Variants in PTPRA observed in about 807,000 individuals in gnomAD.
PTPRA encodes the protein receptor-type tyrosine-protein phosphatase alpha.
A neutral mutation model predicts 104.8 loss-of-function variants in PTPRA; 25 were observed. The observed-to-expected ratio is 0.24, with a 90% confidence interval of 0.17 to 0.33. PTPRA has a LOEUF of 0.33. PTPRA is among the 10% of genes least tolerant of loss of function. PTPRA has a pLI of 1.00. For synonymous variants in PTPRA, 323 were observed against 368.9 expected (o/e 0.88, Z 1.43); for missense variants, 765 against 1,015.3 (o/e 0.75, Z 3.35).
chr20:3,002,824 C>A (rs186478758), intron 9 of PTPRA, among the ~76,000 whole-genome samples: 1 of 152,130 alleles, frequency 6.6e-6, no homozygotes, highest in African/African-American at 2.4e-5. Flanking sequence ...AATTTGAACT[C>A]CCTATTCAAG....
At chr20:2,975,134 C>G in intron 5 of PTPRA, 81 bp from the exon 6 acceptor site, 1 of 1,239,152 alleles carries the variant, frequency 8.1e-7, no homozygotes, top group Non-Finnish European at 1.1e-6. Flanking sequence ...AATCCTGGAG[C>G]TTGTTTTGTT....
chr20:2,870,027 G>A (rs1425405077), upstream of PTPRA, among the ~76,000 whole-genome samples: 1 of 151,462 alleles, frequency 6.6e-6, no homozygotes, highest in Non-Finnish European at 1.5e-5. Context: ...CCTTCTCAGG[G>A]TAAGGGGCTG....
intron 20 of PTPRA, among the ~76,000 whole-genome samples, chr20:3,032,493 C>T (rs684294): frequency 0.38 from 57,988 of 152,020 alleles, 14,710 homozygotes; most frequent in African/African-American, 0.72. Context: ...TTCGGCCGGG[C>T]GCGGTGGCTC....
At chr20:2,988,593 A>C (rs2063006824) in intron 9 of PTPRA, 119 bp downstream of exon 9, 2 of 1,385,640 alleles carry the variant, frequency 1.4e-6, no homozygotes, top group Admixed American at 3.1e-5. Context: ...AGAGGTGAGA[A>C]ATGTTTTACC....
At chr20:2,870,637 C>T (rs559631324), upstream of PTPRA, among the ~76,000 whole-genome samples, 4 of 152,312 alleles carry the variant, frequency 2.6e-5, no homozygotes, top group South Asian at 8.3e-4. Flanking sequence ...GAGAATGACT[C>T]ATTGTTCCAT....
intron 1 of PTPRA, among the ~76,000 whole-genome samples, chr20:2,888,900 G>A (rs1165969775): frequency 3.3e-5 from 5 of 152,222 alleles, no homozygotes; most frequent in Non-Finnish European, 4.4e-5. Context: ...ATTGAGATGA[G>A]ATGTTCTTAC....
In PTPRA at chr20:2,953,266, T is replaced by A. The variant is rs138029073; in HGVS notation, c.-7+5242T>A. On this transcript the variant is annotated intron_variant, in intron 3 of 23. Transcript: ENST00000399903. ...GGTTTTTTATTTTATTTATTTATTT[T>A]TTTTTTGAGGCAGAGTCTCACTCTG... Among the ~76,000 whole-genome samples the A allele has an allele frequency of 9.4e-3, 1,426 of 152,112 alleles. 27 individuals are homozygous for A. Among genetic ancestry groups the A allele is most frequent in the African/African-American group, 0.031 (1,301 of 41,518 alleles).
At chr20:2,895,111 C>T (rs575950935) in intron 1 of PTPRA, among the ~76,000 whole-genome samples, 1 of 151,790 alleles carries the variant, frequency 6.6e-6, no homozygotes, top group Non-Finnish European at 1.5e-5. Flanking sequence ...GAGTCTTGAT[C>T]TGTCAGCAGG....
chr20:2,866,444 C>T, the PTPRA span: 2 of 1,614,170 alleles, frequency 1.2e-6, no homozygotes, highest in Non-Finnish European at 1.7e-6. Flanking sequence ...GTGGCTCAGG[C>T]TGCAGATGTG....
At chr20:2,909,985 T>TATCATG (rs2059592365) in intron 1 of PTPRA, among the ~76,000 whole-genome samples, 1 of 98,562 alleles carries the variant, frequency 1.0e-5, no homozygotes, top group African/African-American at 4.4e-5. Context: ...ATCTATCATA[T>TATCATG]ATCATATATA....
intron 6 of PTPRA, among the ~76,000 whole-genome samples, chr20:2,981,299 T>C (rs2062663653): frequency 6.6e-6 from 1 of 152,196 alleles, no homozygotes; most frequent in African/African-American, 2.4e-5. Context: ...ACCTAAGTAA[T>C]TGCATTTGAA....
At chr20:2,952,986 C>T (rs938966262) in intron 3 of PTPRA, among the ~76,000 whole-genome samples, 5 of 152,138 alleles carry the variant, frequency 3.3e-5, no homozygotes, top group Non-Finnish European at 7.4e-5. Flanking sequence ...CTCCTTTTGG[C>T]TATTGTGAAT....
chr20:2,965,450 G>C (rs2061909032), intron 5 of PTPRA, among the ~76,000 whole-genome samples: 1 of 152,156 alleles, frequency 6.6e-6, no homozygotes, highest in African/African-American at 2.4e-5. Context: ...TTTAAAGGTA[G>C]AGAAGAAGGC....
intron 1 of PTPRA, among the ~76,000 whole-genome samples, chr20:2,874,004 T>G (rs1423265777): frequency 6.6e-6 from 1 of 152,202 alleles, no homozygotes. Flanking sequence ...CCCAGGAACT[T>G]TGCATGCGTC....
rs139225362 is a variant in PTPRA at position 2,937,185 on chromosome 20, G to A, written c.-49-10797G>A. Among the ~76,000 whole-genome samples the A allele has an allele frequency of 3.3e-4, 49 of 148,276 alleles. No homozygotes were observed. In the East Asian group the frequency reaches 8.2e-3, roughly 25 times the overall value. ...TGTCATCAGGTTGGAGTGCAGTGGC[G>A]TGATCTCAGCTCATTGCAATCTCCA... On this transcript the variant is annotated intron_variant, in intron 2 of 23. Transcript: ENST00000399903.
intron 1 of PTPRA, among the ~76,000 whole-genome samples, chr20:2,921,428 A>G (rs1311828679): frequency 4.0e-5 from 6 of 149,592 alleles, no homozygotes; most frequent in African/African-American, 1.5e-4. Context: ...CCATTAGAAC[A>G]TGTCTTCACG....
chr20:3,022,225 G>C lies in PTPRA; in HGVS notation c.1328+5G>C. 1 of 1,613,946 alleles carries C rather than the reference G, an allele frequency of 6.2e-7. No individual in the cohort carries two copies. Among genetic ancestry groups the C allele is most frequent in the Non-Finnish European group, 8.5e-7 (1 of 1,179,846 alleles). On this transcript the variant is annotated splice_donor_5th_base_variant and intron_variant, in intron 15 of 23. Coordinates refer to ENST00000399903, the MANE Select transcript of PTPRA (RefSeq NM_001385305.1). This position sits in a 1 kb window ranked among gnomAD's most constrained non-coding sequence, Gnocchi z 4.6. The stretch of plus-strand genomic sequence containing the variant: ...GGCCATCGTGGTCCACTGCAGGTCA[G>C]TGTGGCCTGACCCTTGTACCCCCAC...
intron 11 of PTPRA, among the ~76,000 whole-genome samples, chr20:3,009,494 C>T (rs769635104): frequency 6.6e-6 from 1 of 152,116 alleles, no homozygotes; most frequent in Non-Finnish European, 1.5e-5. Context: ...AGTGAAAGAA[C>T]AGGAGGTTGT....
chr20:2,993,680 G>A (rs1046185351), intron 9 of PTPRA, among the ~76,000 whole-genome samples: 11 of 152,222 alleles, frequency 7.2e-5, no homozygotes, highest in Non-Finnish European at 1.5e-5. Context: ...TAGCACTTAA[G>A]ATCCTGCGGT....
Sources: gnomAD v4.1 joint callset for allele counts (sites outside exome capture counted in the v4.1 genomes callset) on GRCh38, gnomAD v4.1.1 for gene constraint, Gnocchi (gnomAD v3.1) non-coding constraint, MANE v1.5 for transcripts, NCBI Gene and HGNC (gene_info 2026-07-23, HGNC 2026-07-21) for gene names.